The following SLC25A26 variants were observed in gnomAD, a reference collection of about 807,000 sequenced individuals.
SLC25A26 encodes the protein mitochondrial S-adenosylmethionine carrier protein.
SLC25A26 carries 36 observed loss-of-function variants against 37.8 expected under a neutral mutation model. That is an observed-to-expected ratio of 0.95 (90% CI 0.73 to 1.26). The LOEUF (loss-of-function observed/expected upper bound fraction) is 1.26. Ranked by LOEUF, SLC25A26 falls within the 50% of genes most tolerant of loss-of-function variation. SLC25A26 has a pLI of 0.00. For synonymous variants in SLC25A26, 129 were observed against 122.5 expected (o/e 1.05, Z -0.35); for missense variants, 390 against 331.1 (o/e 1.18, Z -1.38).
At chr3:66,226,267 T>A (rs983042545) in intron 1 of SLC25A26, among the ~76,000 whole-genome samples, 1 of 152,114 alleles carries the variant, frequency 6.6e-6, no homozygotes, top group African/African-American at 2.4e-5. Flanking sequence ...TGGCTGCAGA[T>A]GAGAGCGTAT....
intron 1 of SLC25A26, among the ~76,000 whole-genome samples, chr3:66,193,161 T>C (rs2106795092): frequency 6.6e-6 from 1 of 152,328 alleles, no homozygotes; most frequent in East Asian, 1.9e-4. Context: ...CTGACAATTA[T>C]GCTTTAAAGC....
chr3:66,308,087 T>G (rs2075276924), intron 5 of SLC25A26, among the ~76,000 whole-genome samples: 1 of 152,232 alleles, frequency 6.6e-6, no homozygotes. Flanking sequence ...TAAATTACTT[T>G]GGGCAGTATG....
intron 5 of SLC25A26, among the ~76,000 whole-genome samples, chr3:66,268,194 T>C (rs984540531): frequency 2.0e-5 from 3 of 152,240 alleles, no homozygotes; most frequent in African/African-American, 7.2e-5. Context: ...TTGGTGGACA[T>C]TACAGACATG....
In SLC25A26 at chr3:66,366,335, C is replaced by A. The variant is rs928554088; in HGVS notation, c.569-3143C>A. On this transcript the variant is annotated intron_variant, in intron 7 of 9. Transcript: ENST00000354883. ...ACTACATTTTAACTGAAAGTCCTGG[C>A]CCCCAGCCCTTCCCCGTTATGACCA... Among the ~76,000 whole-genome samples, 5 of 152,152 alleles carry A rather than the reference C, an allele frequency of 3.3e-5. No individual in the cohort carries two copies. The East Asian group carries it at 5.8e-4, about 18-fold the overall frequency.
intron 5 of SLC25A26, among the ~76,000 whole-genome samples, chr3:66,321,429 T>C (rs2075691085): frequency 6.6e-6 from 1 of 152,206 alleles, no homozygotes; most frequent in Non-Finnish European, 1.5e-5. Context: ...CAGAGTGCGC[T>C]AGTATGGAGT....
chr3:66,337,754 G>A (rs943007668), intron 5 of SLC25A26, among the ~76,000 whole-genome samples: 30 of 151,952 alleles, frequency 2.0e-4, no homozygotes, highest in African/African-American at 6.3e-4. Context: ...AATTTCAGAT[G>A]TACAGAAAGT....
chr3:66,339,918 C>T (rs2076170707), intron 5 of SLC25A26, among the ~76,000 whole-genome samples: 1 of 151,912 alleles, frequency 6.6e-6, no homozygotes, highest in Admixed American at 6.6e-5. Context: ...GTGTCATATC[C>T]AAGAAATCAT....
chr3:66,336,858 A>G (rs929362839), intron 5 of SLC25A26, among the ~76,000 whole-genome samples: 2 of 152,180 alleles, frequency 1.3e-5, no homozygotes, highest in African/African-American at 4.8e-5. Context: ...TAGATTTTTA[A>G]GAACTTTTCA....
chr3:66,166,574 G>A (rs2070427737), intron 1 of SLC25A26, among the ~76,000 whole-genome samples: 1 of 152,164 alleles, frequency 6.6e-6, no homozygotes, highest in South Asian at 2.1e-4. Flanking sequence ...GAGATTTGAG[G>A]CATTAACAGA....
rs966953261 is a variant in SLC25A26 at position 66,263,447 on chromosome 3, A to G, written c.453+68A>G. On this transcript the variant is annotated intron_variant, in intron 5 of 9. Transcript: ENST00000354883. Reference sequence around the variant, plus strand: ...GTCCTTTGTTCAGTAAATTTATACTACTTAACAATTAGAAATATATTTGGA... The same window carrying G: ...GTCCTTTGTTCAGTAAATTTATACTGCTTAACAATTAGAAATATATTTGGA... 10 of 929,554 alleles carry G rather than the reference A, an allele frequency of 1.1e-5. No homozygotes were observed. In the East Asian group the frequency reaches 2.0e-4, roughly 19 times the overall value. The allele number at this position is 929,554 out of a possible 1,614,324, so 57.6% of individuals were successfully genotyped here.
intron 5 of SLC25A26, among the ~76,000 whole-genome samples, chr3:66,269,686 A>C (rs1004061314): frequency 6.6e-6 from 1 of 152,140 alleles, no homozygotes; most frequent in Non-Finnish European, 1.5e-5. Flanking sequence ...TTAAGGCTCT[A>C]TATACTATTT....
rs187723089 is a variant in SLC25A26, at chr3:66,328,987, A to G, written c.454-17377A>G. On this transcript the variant is annotated intron_variant, in intron 5 of 9. Transcript: ENST00000354883. Reference sequence around the variant, plus strand: ...CTAGCTTTTTAAAAGTTTCATTAGAATTAGTTATGTATTATGACGTATTTG... The same window carrying G: ...CTAGCTTTTTAAAAGTTTCATTAGAGTTAGTTATGTATTATGACGTATTTG... Among the ~76,000 whole-genome samples the G allele has an allele frequency of 1.5e-3, 224 of 152,282 alleles. 1 individual carries two copies. Among genetic ancestry groups the G allele is most frequent in the African/African-American group, 5.1e-3 (212 of 41,572 alleles).
intron 5 of SLC25A26, among the ~76,000 whole-genome samples, chr3:66,345,083 G>T (rs946418174): frequency 6.6e-6 from 1 of 152,170 alleles, no homozygotes; most frequent in East Asian, 1.9e-4. Context: ...GATAGTTCTA[G>T]CCCTTACTGT....
At chr3:66,300,154 T>G (rs983600273) in intron 5 of SLC25A26, among the ~76,000 whole-genome samples, 1 of 152,188 alleles carries the variant, frequency 6.6e-6, no homozygotes, top group Non-Finnish European at 1.5e-5. Flanking sequence ...CTGATAAGTC[T>G]TTTGAACTTG....
At chr3:66,209,090 G>A (rs1165178127) in intron 1 of SLC25A26, among the ~76,000 whole-genome samples, 9,386 of 45,974 alleles carry the variant, frequency 0.2, 1,446 homozygotes, top group Non-Finnish European at 0.31. Flanking sequence ...ATATAAAGAT[G>A]TATATATATA....
chr3:66,321,854 T>C (rs906491471), intron 5 of SLC25A26, among the ~76,000 whole-genome samples: 1 of 152,104 alleles, frequency 6.6e-6, no homozygotes, highest in African/African-American at 2.4e-5. Flanking sequence ...TATGACAGAA[T>C]ACCACAGACT....
intron 1 of SLC25A26, among the ~76,000 whole-genome samples, chr3:66,236,167 C>T (rs1422859830): frequency 1.4e-5 from 2 of 147,352 alleles, no homozygotes; most frequent in Admixed American, 1.4e-4. Flanking sequence ...CCACCTCTGC[C>T]TCCCATACTG....
At chr3:66,352,005 T>C (rs2076464344) in intron 6 of SLC25A26, among the ~76,000 whole-genome samples, 1 of 151,952 alleles carries the variant, frequency 6.6e-6, no homozygotes, top group African/African-American at 2.4e-5. Context: ...TCCCAGCACT[T>C]TGAGAGGCAT....
upstream of SLC25A26, among the ~76,000 whole-genome samples, chr3:66,216,511 AAAAC>A (rs1475684915): frequency 3.7e-4 from 56 of 152,304 alleles, no homozygotes; most frequent in African/African-American, 1.2e-3. Flanking sequence ...AACCTGTCTT[AAAAC>A]AAACAAACAA....
Sources: allele counts gnomAD v4.1 joint callset (sites outside exome capture counted in the v4.1 genomes callset), GRCh38; gene constraint gnomAD v4.1.1; transcripts MANE v1.5; gene names NCBI Gene and HGNC (gene_info 2026-07-23, HGNC 2026-07-21).